The following XPOT variants were observed in gnomAD, a reference collection of about 807,000 sequenced individuals.
XPOT encodes exportin-T.
Under a neutral mutation model 128.2 loss-of-function variants are expected in XPOT, and 34 were observed. The ratio of observed to expected loss-of-function variants is 0.27; its 90% CI spans 0.20 to 0.35. The LOEUF is 0.35. XPOT is among the 10% of genes least tolerant of loss of function. XPOT has a pLI of 1.00. For missense variants in XPOT, 838 were observed against 1,125.3 expected, an observed-to-expected ratio of 0.74 and a Z score of 3.65; for synonymous variants, 348 against 394.3, an observed-to-expected ratio of 0.88 and a Z score of 1.39.
At chr12:64,429,405 T>C (rs1443633152) in intron 16 of XPOT, among the ~76,000 whole-genome samples, 1 of 152,088 alleles carries the variant, frequency 6.6e-6, no homozygotes, top group African/African-American at 2.4e-5. Flanking sequence ...TACTGTGTGT[T>C]GTTACTTAAT....
At chr12:64,423,276 G>T in intron 11 of XPOT, 32 bp downstream of exon 11, 1 of 1,379,416 alleles carries the variant, frequency 7.2e-7, no homozygotes, top group Non-Finnish European at 9.9e-7. Flanking sequence ...GGAGAAAGGA[G>T]TTTTAATTTT....
chr12:64,436,274 T>G (rs756315379), intron 22 of XPOT, among the ~76,000 whole-genome samples: 74 of 151,964 alleles, frequency 4.9e-4, no homozygotes, highest in Non-Finnish European at 8.4e-4. Context: ...TTTTTATTTA[T>G]TTACAGGGTC....
At chr12:64,446,201 T>C (rs1286588561) in intron 24 of XPOT, among the ~76,000 whole-genome samples, 1 of 152,166 alleles carries the variant, frequency 6.6e-6, no homozygotes, top group Non-Finnish European at 1.5e-5. Flanking sequence ...CTGTTAGAGG[T>C]GTCTGTAACA....
intron 24 of XPOT, among the ~76,000 whole-genome samples, chr12:64,445,547 G>A (rs952666733): frequency 3.3e-5 from 5 of 152,028 alleles, no homozygotes; most frequent in East Asian, 1.9e-4. Flanking sequence ...TTACATTTAC[G>A]AAATTACTGA....
chr12:64,419,018 G>C lies in XPOT; in HGVS notation c.413G>C (p.Gly138Ala), dbSNP rs1184477897. 4 of 1,614,112 alleles carry C rather than the reference G, an allele frequency of 2.5e-6. No homozygotes were observed. Among genetic ancestry groups the C allele is most frequent in the Non-Finnish European group, 3.4e-6 (4 of 1,180,032 alleles). Reference protein sequence around the residue: ...ILSVVDLNPRGVDLYLRILMA... With the variant: ...ILSVVDLNPRAVDLYLRILMA... ...TCAGTAGTGGACCTAAATCCAAGGG[G>C]AGTAGATCTCTACCTGCGAATCCTC... The change falls in exon 6 of 25, where the codon GGA becomes GCA. Residue 138 changes from glycine to alanine, a missense_variant. By Grantham distance (60) the Gly-to-Ala change is moderately conservative. This residue lies in a region of XPOT where 761 missense variants were observed against 988.3 expected (regional missense o/e 0.77). Transcript: ENST00000332707.
At chr12:64,430,662 A>G (rs2040231177) in intron 17 of XPOT, among the ~76,000 whole-genome samples, 1 of 152,264 alleles carries the variant, frequency 6.6e-6, no homozygotes, top group East Asian at 1.9e-4. Flanking sequence ...TGTCCTGAAG[A>G]TCACCCAAGC....
intron 3 of XPOT, among the ~76,000 whole-genome samples, chr12:64,415,925 A>G (rs2040083851): frequency 1.3e-5 from 2 of 152,312 alleles, no homozygotes; most frequent in East Asian, 1.9e-4. Flanking sequence ...CATGTCAAAT[A>G]TGTACAAGAT....
intron 2 of XPOT, among the ~76,000 whole-genome samples, chr12:64,413,449 C>T (rs60520114): frequency 0.087 from 13,237 of 152,208 alleles, 787 homozygotes; most frequent in Middle Eastern, 0.21. Flanking sequence ...TAACAAAAGA[C>T]GGTCCTGTCG....
rs577344714 is a variant in XPOT, at chr12:64,411,448, G to T, written c.60+1353G>T. Among the ~76,000 whole-genome samples, 458 of 152,244 alleles carry T rather than the reference G, an allele frequency of 3.0e-3. 2 individuals carry two copies. Among genetic ancestry groups the T allele is most frequent in the African/African-American group, 0.011 (440 of 41,534 alleles). On this transcript the variant is annotated intron_variant, in intron 2 of 24. Transcript: ENST00000332707. ...AAGAGGCATTTTCTTTGCCTCTTAAGTTCCAGCATCCAATTTTTTTAAATG... is the reference window on the plus strand; with the variant it reads ...AAGAGGCATTTTCTTTGCCTCTTAATTTCCAGCATCCAATTTTTTTAAATG...
In XPOT at chr12:64,420,216, T is replaced by C. The variant is rs761300573; in HGVS notation, c.636T>C (p.Tyr212=). Residue 212 remains tyrosine (Y), a synonymous_variant, in exon 7 of 25, where the codon TAT becomes TAC. Coordinates refer to ENST00000332707, the MANE Select transcript of XPOT (RefSeq NM_007235.6). ...AGTGCCTTGAAGTAGTTGGGGCTTA[T>C]GTCTCTTGGATAGACTTATCCCTTA... ...TCQCLEVVGA[Y]VSWIDLSLIA... The C allele has an allele frequency of 7.5e-6, 12 of 1,609,284 alleles. No individual in the cohort carries two copies. Among genetic ancestry groups the C allele is most frequent in the Non-Finnish European group, 9.3e-6 (11 of 1,178,348 alleles).
intron 19 of XPOT, 111 bp from the exon 20 acceptor site, chr12:64,434,396 C>T: frequency 1.4e-6 from 1 of 691,986 alleles, no homozygotes; most frequent in Non-Finnish European, 2.5e-6. Flanking sequence ...TCATTTTTCC[C>T]ATTCCACCTG....
chr12:64,444,216 T>C (rs1047765129), intron 23 of XPOT, among the ~76,000 whole-genome samples: 1 of 152,178 alleles, frequency 6.6e-6, no homozygotes, highest in African/African-American at 2.4e-5. Flanking sequence ...TGAGCAGCCG[T>C]AGCAATGTAG....
At position 64,430,049 on chromosome 12, in the gene XPOT, G is replaced by C. The variant is rs1042050206; in HGVS notation, c.1738G>C (p.Glu580Gln). The C allele has an allele frequency of 1.3e-6, 2 of 1,568,366 alleles. No individual in the cohort carries two copies. The highest frequency in any genetic ancestry group is 2.8e-5 in the African/African-American group (2 of 72,510). Residue 580 changes from glutamate (E) to glutamine (Q), a missense_variant and splice_region_variant, in exon 17 of 25, where the codon GAG becomes CAG. This residue lies in a region of XPOT where 761 missense variants were observed against 988.3 expected (regional missense o/e 0.77). Transcript: ENST00000332707. ...TTAATAAGACTGAATTTCATTCTAGGAGAATGGCCACCAGTCCTTACTGAG... is the reference window on the plus strand; with the variant it reads ...TTAATAAGACTGAATTTCATTCTAGCAGAATGGCCACCAGTCCTTACTGAG... The part of the protein sequence containing the change: ...IQDLLELSPP[E>Q]NGHQSLLSSD...
intron 23 of XPOT, among the ~76,000 whole-genome samples, chr12:64,441,127 G>C (rs1006043984): frequency 3.9e-5 from 6 of 152,080 alleles, no homozygotes; most frequent in African/African-American, 1.4e-4. Flanking sequence ...TAAGGGTCTC[G>C]TTTTCTTTTG....
At position 64,421,326 on chromosome 12, in the gene XPOT, A is replaced by T; in HGVS notation, c.935A>T (p.Asn312Ile). The change falls in exon 9 of 25, where the codon AAT (asparagine) becomes ATT (isoleucine). Residue 312 changes from asparagine (N) to isoleucine (I), a missense_variant. Coordinates refer to ENST00000332707, the MANE Select transcript of XPOT (RefSeq NM_007235.6). ...GTTAGTTGGAGTAAATTAATTAAGAATGGGGATATTAAGAATGCTCAAGAG... is the reference window on the plus strand; with the variant it reads ...GTTAGTTGGAGTAAATTAATTAAGATTGGGGATATTAAGAATGCTCAAGAG... ...LIVSWSKLIK[N>I]GDIKNAQEAL... 18 of 1,614,084 alleles carry T rather than the reference A, an allele frequency of 1.1e-5. No individual in the cohort carries two copies. The highest frequency in any genetic ancestry group is 1.4e-5 in the Non-Finnish European group (17 of 1,179,966).
rs2040408003 is a variant in XPOT at position 64,450,967 on chromosome 12, A to G, written c.*2836A>G. 2.0e-5 allele frequency: 3 copies of G among 152,370 alleles called. 1 individual carries two copies. The South Asian group carries it at 6.2e-4, about 32-fold the overall frequency. The allele number at this position is 152,370 out of a possible 1,614,324, so 9.4% of individuals were successfully genotyped here. On this transcript the variant is annotated 3_prime_UTR_variant, in exon 25 of 25. Transcript: ENST00000332707. ...CCCACAACTTTGAGCTGTGAGTTTT[A>G]CTGGTGGAAGGAACTTTAACAGGTC...
rs778699490 is a variant in XPOT at position 64,433,350 on chromosome 12, GT to G, written c.2263-58del. ...GAAAAGAAAGGCTTTATGTAAAATA[GT>G]TTTTTCTAAGTTGTATGTTAATATT... On this transcript the variant is annotated intron_variant, in intron 18 of 24. Transcript: ENST00000332707. 18 of 1,435,576 alleles carry G rather than the reference GT, an allele frequency of 1.3e-5. No homozygotes were observed. In the South Asian group the frequency reaches 2.7e-4, roughly 21 times the overall value. 88.9% of individuals were successfully genotyped at this position (1,435,576 alleles called of 1,614,324 possible). A position where few individuals can be genotyped will look rare whatever the true frequency, so the allele number is the denominator to read the frequency against.
At chr12:64,421,803 C>T (rs1227615300) in intron 9 of XPOT, among the ~76,000 whole-genome samples, 1 of 151,648 alleles carries the variant, frequency 6.6e-6, no homozygotes, top group Non-Finnish European at 1.5e-5. Flanking sequence ...TCATTCATTT[C>T]TCATAAACAA....
rs149197577 is a variant in XPOT, at chr12:64,410,925, G to A, written c.60+830G>A. On this transcript the variant is annotated intron_variant, in intron 2 of 24. Transcript: ENST00000332707. ...TTTTCTTTTTACTTTTCATAGCAAAGAATACTTTTTATAAATGAGCTAAAT... is the reference window on the plus strand; with the variant it reads ...TTTTCTTTTTACTTTTCATAGCAAAAAATACTTTTTATAAATGAGCTAAAT... Among the ~76,000 whole-genome samples, 6 of 152,172 alleles carry A rather than the reference G, an allele frequency of 3.9e-5. No individual in the cohort carries two copies. In the South Asian group the frequency reaches 1.2e-3, roughly 32 times the overall value.
Sources: gnomAD v4.1 joint callset for allele counts (sites outside exome capture counted in the v4.1 genomes callset) on GRCh38, gnomAD v4.1.1 for gene constraint, gnomAD v4.1.1 regional missense constraint, MANE v1.5 for transcripts, NCBI Gene and HGNC (gene_info 2026-07-23, HGNC 2026-07-21) for gene names.